The following LPAR1 variants were observed in gnomAD, a reference collection of about 807,000 sequenced individuals.
LPAR1 encodes the protein lysophosphatidic acid receptor 1.
LPAR1 carries 5 observed loss-of-function variants against 23.8 expected under a neutral mutation model. The ratio of observed to expected loss-of-function variants is 0.21; its 90% CI spans 0.11 to 0.44. LPAR1 has a LOEUF of 0.44. LPAR1 is among the 20% of genes least tolerant of loss of function. The pLI, the probability that LPAR1 is intolerant of heterozygous loss-of-function variation, is 0.99. For synonymous variants in LPAR1, 160 were observed against 164.7 expected (o/e 0.97, Z 0.22); for missense variants, 311 against 482.8 (o/e 0.64, Z 3.33).
intron 2 of LPAR1, among the ~76,000 whole-genome samples, chr9:111,030,045 C>CAAAAAAA (rs56962960): frequency 2.7e-5 from 2 of 75,224 alleles, no homozygotes; most frequent in African/African-American, 5.2e-5. Flanking sequence ...GGCTCTGCCT[C>CAAAAAAA]AAAAAAAAAA....
chr9:110,898,173 C>T (rs760678019), intron 5 of LPAR1, among the ~76,000 whole-genome samples: 7 of 152,210 alleles, frequency 4.6e-5, no homozygotes, highest in Non-Finnish European at 1.0e-4. Flanking sequence ...CAACACAATG[C>T]TTACAATTCC....
chr9:110,879,417 CAAAAAAAAAA>C lies in LPAR1; in HGVS notation c.794-3705_794-3696del, dbSNP rs71371692. On this transcript the variant is annotated intron_variant, in intron 5 of 5. Coordinates refer to ENST00000683809, the MANE Select transcript of LPAR1 (RefSeq NM_001351411.2). Reference sequence around the variant, plus strand: ...TGAGTGACAGAGCAAGACTCCATCTCAAAAAAAAAAAAAAAAAAAAAAAAGGATGAAGAAG... The same window carrying C: ...TGAGTGACAGAGCAAGACTCCATCTCAAAAAAAAAAAAAAGGATGAAGAAG... Among the ~76,000 whole-genome samples the C allele has an allele frequency of 2.1e-3, 97 of 47,184 alleles. 2 individuals carry two copies. The highest frequency in any genetic ancestry group is 9.0e-3 in the African/African-American group (91 of 10,120). The allele number at this position is 47,184 out of a possible 152,430, so 31.0% of individuals were successfully genotyped here.
chr9:111,038,825 C>G (rs367672649), upstream of LPAR1: 160 of 322,882 alleles, frequency 5.0e-4, 1 homozygote, highest in African/African-American at 3.2e-3. This position sits in a 1 kb window ranked among gnomAD's most constrained non-coding sequence, Gnocchi z 4.4. Context: ...GCGGGAGACC[C>G]GTGGCCGCCA....
intron 4 of LPAR1, among the ~76,000 whole-genome samples, chr9:110,951,720 T>TATCACTACAAAA: frequency 6.6e-6 from 1 of 152,202 alleles, no homozygotes; most frequent in Middle Eastern, 3.4e-3. Flanking sequence ...CAAAAACTAC[T>TATCACTACAAAA]AACTATGAAC....
chr9:110,969,800 G>GA (rs1455285590), intron 4 of LPAR1, among the ~76,000 whole-genome samples: 1 of 151,922 alleles, frequency 6.6e-6, no homozygotes, highest in African/African-American at 2.4e-5. Flanking sequence ...TCTACTATTG[G>GA]ATATTCACAA....
chr9:111,035,834 T>G (rs978861035), intron 2 of LPAR1, among the ~76,000 whole-genome samples: 1 of 152,198 alleles, frequency 6.6e-6, no homozygotes, highest in African/African-American at 2.4e-5. Flanking sequence ...GTGAAAATGA[T>G]ACAGTGTATT....
intron 4 of LPAR1, among the ~76,000 whole-genome samples, chr9:110,952,977 C>T (rs2095618064): frequency 1.3e-5 from 2 of 152,208 alleles, no homozygotes; most frequent in South Asian, 4.1e-4. Context: ...CAAACTGCCA[C>T]TATCACCTCA....
intron 5 of LPAR1, among the ~76,000 whole-genome samples, chr9:110,927,046 G>T (rs769885931): frequency 9.2e-5 from 14 of 152,178 alleles, no homozygotes; most frequent in Non-Finnish European, 1.6e-4. Context: ...GATGCAAGGT[G>T]GCCCTTGGAC....
intron 2 of LPAR1, among the ~76,000 whole-genome samples, chr9:111,034,655 A>AT: frequency 6.6e-6 from 1 of 152,238 alleles, no homozygotes; most frequent in Non-Finnish European, 1.5e-5. Context: ...CGTAGCAGCC[A>AT]TAAGTTACAC....
chr9:110,939,798 AC>A (rs1332695311), intron 5 of LPAR1, among the ~76,000 whole-genome samples: 1 of 152,260 alleles, frequency 6.6e-6, no homozygotes, highest in Admixed American at 6.5e-5. Context: ...AATTCTGCAA[AC>A]TATGAGTAGC....
At chr9:110,999,289 C>A in intron 2 of LPAR1, 1 of 423,742 alleles carries the variant, frequency 2.4e-6, no homozygotes, top group Non-Finnish European at 4.7e-6. Context: ...AAGTACAGTG[C>A]AGATGGAACT....
Position 110,972,173 on chromosome 9 carries a change from T to C in LPAR1, c.-56A>G. ...GCCCCAGAACTACGGGAGACAAATT[T>C]TCTTGTTTGCTGATCAGATCGAAGT... is the stretch of plus-strand genomic sequence containing the variant. On this transcript the variant is annotated 5_prime_UTR_variant, in exon 4 of 6. Coordinates refer to ENST00000683809, the MANE Select transcript of LPAR1 (RefSeq NM_001351411.2). 6.5e-7 allele frequency: 1 copy of C among 1,536,180 alleles called. No individual in the cohort carries two copies. The highest frequency in any genetic ancestry group is 9.0e-7 in the Non-Finnish European group (1 of 1,109,126).
chr9:110,888,742 CAA>C (rs1159929596), intron 5 of LPAR1, among the ~76,000 whole-genome samples: 2 of 152,066 alleles, frequency 1.3e-5, no homozygotes, highest in East Asian at 1.9e-4. Context: ...GTAAATCAGA[CAA>C]GAGATAATGG....
In LPAR1 at chr9:110,960,972, A is replaced by G. The variant is rs142115988; in HGVS notation, c.45+11101T>C. Among the ~76,000 whole-genome samples the G allele has an allele frequency of 6.7e-3, 1,019 of 152,276 alleles. 10 individuals are homozygous for G. The highest frequency in any genetic ancestry group is 0.022 in the African/African-American group (919 of 41,558). ...CCATTTTGCTGAAAGGCTAATAACA[A>G]TATATTTCCTTATAAACTTGTTCCA... On this transcript the variant is annotated intron_variant, in intron 4 of 5. Transcript: ENST00000683809.
At chr9:110,951,722 A>T (rs772145030) in intron 4 of LPAR1, among the ~76,000 whole-genome samples, 1 of 152,148 alleles carries the variant, frequency 6.6e-6, no homozygotes, top group Admixed American at 6.5e-5. Context: ...AAAACTACTA[A>T]CTATGAACAT....
intron 4 of LPAR1, among the ~76,000 whole-genome samples, chr9:110,964,274 T>G (rs1431579982): frequency 3.4e-5 from 5 of 147,862 alleles, no homozygotes; most frequent in African/African-American, 9.8e-5. Context: ...AGTAAACTGA[T>G]CTAATCAATG....
At chr9:111,011,359 G>A (rs779793747) in intron 2 of LPAR1, among the ~76,000 whole-genome samples, 5 of 152,092 alleles carry the variant, frequency 3.3e-5, no homozygotes, top group Non-Finnish European at 7.4e-5. Flanking sequence ...TATGTCTGCT[G>A]GAACACTTCC....
chr9:110,912,870 T>A (rs954991432), intron 5 of LPAR1, among the ~76,000 whole-genome samples: 1 of 152,202 alleles, frequency 6.6e-6, no homozygotes, highest in Non-Finnish European at 1.5e-5. Flanking sequence ...CTCTTGGGAC[T>A]GTCCCAAATA....
At chr9:111,029,817 G>A (rs558980741) in intron 2 of LPAR1, among the ~76,000 whole-genome samples, 10 of 151,942 alleles carry the variant, frequency 6.6e-5, no homozygotes, top group Admixed American at 2.6e-4. Flanking sequence ...TTGAGAGGCC[G>A]AGGCGGGTGG....
Sources: gnomAD v4.1 joint callset for allele counts (sites outside exome capture counted in the v4.1 genomes callset) on GRCh38, gnomAD v4.1.1 for gene constraint, Gnocchi (gnomAD v3.1) non-coding constraint, MANE v1.5 for transcripts, NCBI Gene and HGNC (gene_info 2026-07-23, HGNC 2026-07-21) for gene names.